Variants in FOXO1 observed in about 807,000 individuals in gnomAD.
The protein encoded by FOXO1 is forkhead box O1, also known as forkhead box protein O1.
FOXO1 carries 6 observed loss-of-function variants against 44.1 expected under a neutral mutation model. That is an observed-to-expected ratio of 0.14 (90% CI 0.07 to 0.27). The LOEUF (loss-of-function observed/expected upper bound fraction) is 0.27, where lower values mean the gene tolerates loss of function less well. FOXO1 is among the 10% of genes least tolerant of loss of function. FOXO1 has a pLI of 1.00. For missense variants in FOXO1, 737 were observed against 888.8 expected (o/e 0.83, Z 2.17); for synonymous variants, 380 against 362.7 (o/e 1.05, Z -0.54).
intron 1 of FOXO1, among the ~76,000 whole-genome samples, chr13:40,608,551 A>C (rs1876108865): frequency 1.3e-5 from 2 of 152,222 alleles, no homozygotes; most frequent in Non-Finnish European, 2.9e-5. Flanking sequence ...TTATCCTTCA[A>C]GTCAAAAATG....
chr13:40,590,485 T>A (rs1039777524), intron 1 of FOXO1, among the ~76,000 whole-genome samples: 1 of 152,200 alleles, frequency 6.6e-6, no homozygotes, highest in East Asian at 1.9e-4. Flanking sequence ...AGGATAGATG[T>A]CAAGTGTTCC....
In FOXO1 at chr13:40,643,051, G is replaced by T. The variant is rs527438315; in HGVS notation, c.630+22532C>A. ...ATTAAAAGTGTTTGTTACTTAAAAT[G>T]TAATACAGGACCGGGCGTGGTGGCT... On this transcript the variant is annotated intron_variant, in intron 1 of 2. Transcript: ENST00000379561. Among the ~76,000 whole-genome samples, 3 of 152,212 alleles carry T rather than the reference G, an allele frequency of 2.0e-5. No homozygotes were observed. The South Asian group carries it at 6.2e-4, about 32-fold the overall frequency.
intron 1 of FOXO1, among the ~76,000 whole-genome samples, chr13:40,646,307 T>C (rs76307261): frequency 6.6e-6 from 1 of 151,320 alleles, no homozygotes; most frequent in African/African-American, 2.4e-5. Context: ...TTTTTTTTTT[T>C]TTGAGATGGA....
intron 1 of FOXO1, among the ~76,000 whole-genome samples, chr13:40,637,829 G>T (rs148480379): frequency 6.6e-6 from 1 of 152,158 alleles, no homozygotes; most frequent in African/African-American, 2.4e-5. Context: ...AAGCACTTAC[G>T]CACTCTACTA....
intron 1 of FOXO1, among the ~76,000 whole-genome samples, chr13:40,645,171 G>A (rs1877470617): frequency 6.6e-6 from 1 of 152,122 alleles, no homozygotes; most frequent in African/African-American, 2.4e-5. Context: ...TGTCACAGTA[G>A]GAAAAGGATT....
intron 1 of FOXO1, among the ~76,000 whole-genome samples, chr13:40,655,197 G>A (rs1263227366): frequency 1.3e-5 from 2 of 151,932 alleles, no homozygotes; most frequent in Non-Finnish European, 2.9e-5. Context: ...TTAGCTAGGT[G>A]TGGTGGTCTC....
chr13:40,618,107 C>G (rs1020283691), intron 1 of FOXO1, among the ~76,000 whole-genome samples: 5 of 152,130 alleles, frequency 3.3e-5, no homozygotes, highest in Admixed American at 3.3e-4. Context: ...AGACACGGTC[C>G]CAGCTCTGTC....
intron 1 of FOXO1, among the ~76,000 whole-genome samples, chr13:40,572,187 C>A (rs1277247720): frequency 6.6e-6 from 1 of 152,124 alleles, no homozygotes; most frequent in Non-Finnish European, 1.5e-5. Context: ...ATCCCTAGGA[C>A]AATATCCCAC....
intron 1 of FOXO1, among the ~76,000 whole-genome samples, chr13:40,602,448 T>C (rs1357132383): frequency 6.6e-6 from 1 of 152,130 alleles, no homozygotes; most frequent in Non-Finnish European, 1.5e-5. Flanking sequence ...ATTCAAAGCA[T>C]AAAACTCATT....
In FOXO1 at chr13:40,561,245, G is replaced by A. The variant is rs533352600; in HGVS notation, c.631-385C>T. Among the ~76,000 whole-genome samples, 294 of 151,634 alleles carry A rather than the reference G, an allele frequency of 1.9e-3. 1 individual carries two copies. The highest frequency in any genetic ancestry group is 6.9e-3 in the African/African-American group (285 of 41,308). On this transcript the variant is annotated intron_variant, in intron 1 of 2. Coordinates refer to ENST00000379561, the MANE Select transcript of FOXO1 (RefSeq NM_002015.4). ...TGCAAACCTGTAGTCCCAGCTACTC[G>A]GGAGGCTGGGGCAGGAGAATGGCGT...
chr13:40,598,431 G>A (rs1194666839), intron 1 of FOXO1, among the ~76,000 whole-genome samples: 1 of 151,844 alleles, frequency 6.6e-6, no homozygotes, highest in Non-Finnish European at 1.5e-5. Flanking sequence ...TATATTATTT[G>A]CAAGAGGGAA....
chr13:40,596,548 C>G (rs2995990), intron 1 of FOXO1, among the ~76,000 whole-genome samples: 151,367 of 152,328 alleles, frequency 0.99, 75,212 homozygotes, highest in Middle Eastern at 1. Context: ...TAAGCTTTCT[C>G]TTTCTCAACT....
At chr13:40,579,802 A>G (rs554234348) in intron 1 of FOXO1, among the ~76,000 whole-genome samples, 10 of 152,310 alleles carry the variant, frequency 6.6e-5, no homozygotes, top group Non-Finnish European at 1.5e-4. Context: ...CCATTAGTGT[A>G]ATATGTGGTG....
In FOXO1 at chr13:40,604,885, C is replaced by T. The variant is rs1267850908; in HGVS notation, c.631-44025G>A. 3.3e-5 allele frequency among the ~76,000 whole-genome samples: 5 copies of T among 152,222 alleles called. No individual in the cohort carries two copies. The East Asian group carries it at 9.6e-4, about 29-fold the overall frequency. On this transcript the variant is annotated intron_variant, in intron 1 of 2. Coordinates refer to ENST00000379561, the MANE Select transcript of FOXO1 (RefSeq NM_002015.4). ...TAAAATTCAATTGGTTCCTATTAGA[C>T]ACAAACCCTTTCCTCTAGTTCCCAG...
intron 1 of FOXO1, among the ~76,000 whole-genome samples, chr13:40,615,262 C>T (rs539984254): frequency 5.3e-5 from 8 of 152,286 alleles, no homozygotes; most frequent in South Asian, 2.1e-4. Flanking sequence ...GGGGGCCAGA[C>T]GCAGTGGCTC....
At position 40,665,651 on chromosome 13, in the gene FOXO1, C is replaced by T; in HGVS notation, c.562G>A (p.Glu188Lys). Residue 188 changes from glutamate to lysine, a missense_variant, in exon 1 of 3, where the codon GAG becomes AAG. Glu to Lys is a moderately conservative substitution (Grantham distance 56, BLOSUM62 1). Around this residue, in one of 7 missense-constraint regions of FOXO1, gnomAD observed 49 missense variants for 50.2 expected, o/e 0.98. Coordinates refer to ENST00000379561, the MANE Select transcript of FOXO1 (RefSeq NM_002015.4). ...EKRLTLSQIY[E>K]WMVKSVPYFK... The stretch of plus-strand genomic sequence containing the variant: ...TAGGGCACGCTCTTGACCATCCACT[C>T]GTAGATCTGCGACAGCGTGAGCCGC... 1 of 1,534,502 alleles carries T rather than the reference C, an allele frequency of 6.5e-7. No individual in the cohort carries two copies. Among genetic ancestry groups the T allele is most frequent in the Non-Finnish European group, 8.8e-7 (1 of 1,134,102 alleles).
chr13:40,628,207 G>A (rs1015193560), intron 1 of FOXO1, among the ~76,000 whole-genome samples: 2 of 151,890 alleles, frequency 1.3e-5, no homozygotes, highest in Admixed American at 6.6e-5. Flanking sequence ...AGCCCTTCTT[G>A]GGGGCAGGAG....
rs9566558 is a variant in FOXO1, at chr13:40,659,840, G to C, written c.630+5743C>G. On this transcript the variant is annotated intron_variant, in intron 1 of 2. Transcript: ENST00000379561. ...ATGAATAAAGCAAGTTTTTAAAAAG[G>C]CTGAACCATATAAAATAGCCAACGT... 1.1e-3 allele frequency among the ~76,000 whole-genome samples: 162 copies of C among 152,194 alleles called. 4 individuals carry two copies. The East Asian group carries it at 0.02, about 18-fold the overall frequency.
At position 40,641,855 on chromosome 13, in the gene FOXO1, G is replaced by A. The variant is rs1020036371; in HGVS notation, c.630+23728C>T. Among the ~76,000 whole-genome samples the A allele has an allele frequency of 6.6e-5, 10 of 152,108 alleles. 1 individual carries two copies. In the South Asian group the frequency reaches 1.0e-3, roughly 16 times the overall value. On this transcript the variant is annotated intron_variant, in intron 1 of 2. Transcript: ENST00000379561. The stretch of plus-strand genomic sequence containing the variant: ...GTAAAAATTAGCAGGGCATGGTGGC[G>A]CATACTTGTAATCCCAGCTACTTGG...
Sources: gnomAD v4.1 joint callset for allele counts (sites outside exome capture counted in the v4.1 genomes callset) on GRCh38, gnomAD v4.1.1 for gene constraint, gnomAD v4.1.1 regional missense constraint, MANE v1.5 for transcripts, NCBI Gene and HGNC (gene_info 2026-07-23, HGNC 2026-07-21) for gene names.